AUTS2: variants seen among roughly 807,000 people sequenced by gnomAD.
AUTS2 encodes the protein activator of transcription and developmental regulator AUTS2.
Under a neutral mutation model 112.4 loss-of-function variants are expected in AUTS2, and 17 were observed. The ratio of observed to expected loss-of-function variants is 0.15; its 90% CI spans 0.10 to 0.23. AUTS2 has a LOEUF of 0.23. AUTS2 is among the 10% of genes least tolerant of loss of function. The probability of loss-of-function intolerance (pLI) is 1.00; values close to 1 mark genes in which losing one functional copy is unlikely to be tolerated. For missense variants in AUTS2, 1,510 were observed against 1,701.6 expected, an observed-to-expected ratio of 0.89 and a Z score of 1.98; for synonymous variants, 751 against 702.7, an observed-to-expected ratio of 1.07 and a Z score of -1.09.
At chr7:70,704,094 G>A (rs1418192707) in intron 6 of AUTS2, among the ~76,000 whole-genome samples, 1 of 152,180 alleles carries the variant, frequency 6.6e-6, no homozygotes, top group Non-Finnish European at 1.5e-5. Flanking sequence ...TACTGTTAGT[G>A]TGAAACCACC....
chr7:69,869,694 T>C (rs1562939362), intron 1 of AUTS2, among the ~76,000 whole-genome samples: 1 of 152,026 alleles, frequency 6.6e-6, no homozygotes. Context: ...GACTCAATGA[T>C]GGGGTAAGGA....
chr7:69,669,622 G>A (rs1005815959), intron 1 of AUTS2, among the ~76,000 whole-genome samples: 4 of 152,022 alleles, frequency 2.6e-5, no homozygotes, highest in Non-Finnish European at 5.9e-5. Flanking sequence ...TCTTTATGTA[G>A]TATGTAGATA....
chr7:69,934,200 C>G (rs1423919144), intron 2 of AUTS2, among the ~76,000 whole-genome samples: 1 of 152,102 alleles, frequency 6.6e-6, no homozygotes, highest in Admixed American at 6.5e-5. Context: ...TTGAAAGGAA[C>G]TCTAATCTAC....
At chr7:69,941,150 C>T (rs766645088) in intron 2 of AUTS2, among the ~76,000 whole-genome samples, 2 of 152,116 alleles carry the variant, frequency 1.3e-5, no homozygotes, top group South Asian at 2.1e-4. Flanking sequence ...TAATTGAGGT[C>T]GACCCTCTCG....
chr7:69,805,014 CTT>C (rs1790239320), intron 1 of AUTS2, among the ~76,000 whole-genome samples: 1 of 152,128 alleles, frequency 6.6e-6, no homozygotes, highest in South Asian at 2.1e-4. Context: ...GATATTTTAA[CTT>C]TTATATGAGA....
At chr7:69,952,121 T>C (rs1399191423) in intron 2 of AUTS2, among the ~76,000 whole-genome samples, 1 of 152,176 alleles carries the variant, frequency 6.6e-6, no homozygotes, top group Non-Finnish European at 1.5e-5. Context: ...TTTTGTAGTT[T>C]TCTCTCAAGG....
At chr7:70,747,170 T>A (rs1213781202) in intron 6 of AUTS2, among the ~76,000 whole-genome samples, 1 of 152,206 alleles carries the variant, frequency 6.6e-6, no homozygotes, top group Non-Finnish European at 1.5e-5. Flanking sequence ...AAGAAACAAA[T>A]GAAGGCCGTA....
At chr7:69,758,942 G>A (rs1788051464) in intron 1 of AUTS2, among the ~76,000 whole-genome samples, 1 of 152,140 alleles carries the variant, frequency 6.6e-6, no homozygotes. Context: ...CTAGGGCCTT[G>A]TTTCTCTCTA....
At chr7:69,799,778 G>A (rs977748736) in intron 1 of AUTS2, among the ~76,000 whole-genome samples, 4 of 151,946 alleles carry the variant, frequency 2.6e-5, no homozygotes, top group Non-Finnish European at 5.9e-5. Flanking sequence ...AGAAATCTAA[G>A]CTCTCCCCGC....
chr7:69,886,047 T>C (rs1794257643), intron 1 of AUTS2, among the ~76,000 whole-genome samples: 1 of 152,178 alleles, frequency 6.6e-6, no homozygotes, highest in Non-Finnish European at 1.5e-5. Flanking sequence ...GTTACATCTG[T>C]TGATATTTTT....
chr7:70,773,906 C>A (rs1225724710), intron 11 of AUTS2, 122 bp from the exon 12 acceptor site: 1 of 890,076 alleles, frequency 1.1e-6, no homozygotes, highest in Admixed American at 2.1e-5. Context: ...ATGAATCTTG[C>A]GTTTCAGAAG....
intron 2 of AUTS2, among the ~76,000 whole-genome samples, chr7:69,908,640 A>G (rs1482990161): frequency 4.6e-5 from 7 of 152,172 alleles, no homozygotes; most frequent in East Asian, 1.9e-4. Context: ...CACTTCTCCT[A>G]TGTGCCTGCC....
intron 5 of AUTS2, among the ~76,000 whole-genome samples, chr7:70,692,725 G>A (rs949690137): frequency 2.0e-5 from 3 of 151,334 alleles, no homozygotes; most frequent in Non-Finnish European, 2.9e-5. Flanking sequence ...TTAGAGGCTA[G>A]AGGAGGGGGA....
At chr7:70,343,298 C>T (rs962998110) in intron 4 of AUTS2, among the ~76,000 whole-genome samples, 1 of 152,224 alleles carries the variant, frequency 6.6e-6, no homozygotes, top group Non-Finnish European at 1.5e-5. Context: ...TGGTTTCCTA[C>T]TCGCATGGTT....
intron 1 of AUTS2, among the ~76,000 whole-genome samples, chr7:69,673,633 C>T (rs1234802763): frequency 6.6e-6 from 1 of 152,194 alleles, no homozygotes; most frequent in Non-Finnish European, 1.5e-5. Context: ...GCCCTAAAAT[C>T]AGGATAGAAT....
chr7:70,137,690 G>T (rs1372294890), intron 4 of AUTS2, among the ~76,000 whole-genome samples: 1 of 151,970 alleles, frequency 6.6e-6, no homozygotes, highest in Admixed American at 6.6e-5. Context: ...TATTAGTGTT[G>T]CAAATATTAA....
intron 5 of AUTS2, among the ~76,000 whole-genome samples, chr7:70,620,783 G>A (rs1300499764): frequency 6.6e-6 from 1 of 152,148 alleles, no homozygotes; most frequent in Admixed American, 6.5e-5. Flanking sequence ...CTCATTGCTT[G>A]CTGGCACTGG....
chr7:69,715,030 TG>T (rs1227038290), intron 1 of AUTS2, among the ~76,000 whole-genome samples: 1 of 152,034 alleles, frequency 6.6e-6, no homozygotes, highest in Non-Finnish European at 1.5e-5. Context: ...TCTTTGGTCG[TG>T]TTCCTGCAGT....
intron 4 of AUTS2, among the ~76,000 whole-genome samples, chr7:70,418,255 A>G (rs961306907): frequency 6.6e-6 from 1 of 152,168 alleles, no homozygotes; most frequent in African/African-American, 2.4e-5. Context: ...TGACTGTCAT[A>G]GAACACCAAA....
Sources: gnomAD v4.1 joint callset for allele counts (sites outside exome capture counted in the v4.1 genomes callset) on GRCh38, gnomAD v4.1.1 for gene constraint, MANE v1.5 for transcripts, NCBI Gene and HGNC (gene_info 2026-07-23, HGNC 2026-07-21) for gene names.